RBFOX1: variants seen among roughly 807,000 people sequenced by gnomAD.
The protein encoded by RBFOX1 is RNA binding fox-1 homolog 1.
Under a neutral mutation model 57.7 loss-of-function variants are expected in RBFOX1, and 8 were observed. That is an observed-to-expected ratio of 0.14 (90% CI 0.08 to 0.25). RBFOX1 has a LOEUF of 0.25. RBFOX1 is among the 10% of genes least tolerant of loss of function. The pLI is 1.00. For synonymous variants in RBFOX1, 326 were observed against 222.4 expected (o/e 1.47, Z -4.15); for missense variants, 611 against 548.5 (o/e 1.11, Z -1.14).
chr16:6,278,560 TA>T (rs1385951009), intron 1 of RBFOX1, among the ~76,000 whole-genome samples: 1 of 152,104 alleles, frequency 6.6e-6, no homozygotes, highest in Non-Finnish European at 1.5e-5. Context: ...ATTTTCCCCT[TA>T]TCTCTGAATT....
At chr16:6,577,792 C>T (rs1002265681) in intron 2 of RBFOX1, among the ~76,000 whole-genome samples, 1 of 152,196 alleles carries the variant, frequency 6.6e-6, no homozygotes, top group Non-Finnish European at 1.5e-5. Flanking sequence ...GCCTCCTTTT[C>T]CCTCCTGTAT....
intron 1 of RBFOX1, among the ~76,000 whole-genome samples, chr16:5,435,286 C>T (rs2067881983): frequency 6.6e-6 from 1 of 152,164 alleles, no homozygotes; most frequent in Non-Finnish European, 1.5e-5. Context: ...TGGGTTTCCT[C>T]TGCTGCATGT....
At chr16:7,179,316 A>G (rs1438074177) in intron 4 of RBFOX1, among the ~76,000 whole-genome samples, 1 of 151,976 alleles carries the variant, frequency 6.6e-6, no homozygotes, top group African/African-American at 2.4e-5. Context: ...GTGTTCAAAC[A>G]TTCTCAAAGC....
At chr16:5,499,713 C>T (rs908206902) in intron 2 of RBFOX1, among the ~76,000 whole-genome samples, 3 of 151,964 alleles carry the variant, frequency 2.0e-5, no homozygotes, top group East Asian at 3.9e-4. Context: ...GCTGGGATTA[C>T]AGGTGCCCAC....
In RBFOX1 at chr16:7,317,964, G is replaced by C. The variant is rs554289678; in HGVS notation, c.28-200183G>C. 1.3e-5 allele frequency among the ~76,000 whole-genome samples: 2 copies of C among 152,252 alleles called. 1 individual carries two copies. The highest frequency in any genetic ancestry group is 4.8e-5 in the African/African-American group (2 of 41,560). On this transcript the variant is annotated intron_variant, in intron 4 of 15. Transcript: ENST00000550418. Reference sequence around the variant, plus strand: ...TTCTACTTTTGATGCTGGAGGTGATGGTGGTGATGGTGGTGGTGATAGTGG... The same window carrying C: ...TTCTACTTTTGATGCTGGAGGTGATCGTGGTGATGGTGGTGGTGATAGTGG...
intron 2 of RBFOX1, among the ~76,000 whole-genome samples, chr16:6,425,976 A>G (rs935985341): frequency 1.3e-5 from 2 of 151,956 alleles, no homozygotes; most frequent in Admixed American, 6.6e-5. Context: ...GCCCCTGGCT[A>G]CCACTAGGTA....
intron 10 of RBFOX1, 22 bp from the exon 11 acceptor site, chr16:7,630,581 C>T: frequency 6.2e-7 from 1 of 1,613,576 alleles, no homozygotes; most frequent in South Asian, 1.1e-5. Flanking sequence ...AACCAGATAC[C>T]ATCTCTCTCT....
At chr16:7,423,752 G>C (rs1276800660) in intron 4 of RBFOX1, among the ~76,000 whole-genome samples, 1 of 152,132 alleles carries the variant, frequency 6.6e-6, no homozygotes. Flanking sequence ...GCACACCTCT[G>C]TTCTGTGTCT....
intron 4 of RBFOX1, among the ~76,000 whole-genome samples, chr16:7,400,286 G>A (rs1190788041): frequency 6.6e-6 from 1 of 152,074 alleles, no homozygotes; most frequent in Non-Finnish European, 1.5e-5. Context: ...AGAGGGGAGG[G>A]GCAAGGATAG....
intron 1 of RBFOX1, among the ~76,000 whole-genome samples, chr16:5,331,712 G>T (rs1480140645): frequency 6.6e-6 from 1 of 152,288 alleles, no homozygotes; most frequent in Non-Finnish European, 1.5e-5. Flanking sequence ...GCTGCAGAAT[G>T]CAGTAAGAGG....
At chr16:7,325,215 A>G (rs2096595991) in intron 4 of RBFOX1, among the ~76,000 whole-genome samples, 1 of 152,212 alleles carries the variant, frequency 6.6e-6, no homozygotes, top group Admixed American at 6.5e-5. Context: ...ACACTGCAGT[A>G]TACTGTACTT....
chr16:7,128,165 C>G (rs1238769829), intron 4 of RBFOX1, among the ~76,000 whole-genome samples: 2 of 152,120 alleles, frequency 1.3e-5, no homozygotes, highest in Non-Finnish European at 2.9e-5. Flanking sequence ...ACCATTCTGA[C>G]AAGAACAATA....
At chr16:6,847,904 C>G (rs937752307) in intron 3 of RBFOX1, among the ~76,000 whole-genome samples, 5 of 152,046 alleles carry the variant, frequency 3.3e-5, no homozygotes, top group Non-Finnish European at 4.4e-5. Context: ...CTGGCACAAT[C>G]TTGGCTCACT....
chr16:6,683,138 C>T (rs1638393027), intron 3 of RBFOX1, among the ~76,000 whole-genome samples: 1 of 152,080 alleles, frequency 6.6e-6, no homozygotes, highest in South Asian at 2.1e-4. Flanking sequence ...AGCTAACTAG[C>T]AGATGCGTAT....
chr16:6,250,944 T>G (rs938128218), intron 1 of RBFOX1, among the ~76,000 whole-genome samples: 23 of 151,910 alleles, frequency 1.5e-4, no homozygotes, highest in African/African-American at 5.6e-4. Flanking sequence ...AGATACCTGA[T>G]TTTGTTTTTT....
At position 7,184,298 on chromosome 16, in the gene RBFOX1, TA is replaced by T. The variant is rs2083292932; in HGVS notation, c.27+132201del. Among the ~76,000 whole-genome samples, 3 of 152,270 alleles carry T rather than the reference TA, an allele frequency of 2.0e-5. No homozygotes were observed. The South Asian group carries it at 6.2e-4, about 32-fold the overall frequency. On this transcript the variant is annotated intron_variant, in intron 4 of 15. Coordinates refer to ENST00000550418, the MANE Select transcript of RBFOX1 (RefSeq NM_018723.4). The stretch of plus-strand genomic sequence containing the variant: ...ACAATAGGAAGCTGTGGAATGACCT[TA>T]GAGGGAAGACATCATCCAAATGACA...
At chr16:5,424,238 G>T (rs1398785950) in intron 1 of RBFOX1, among the ~76,000 whole-genome samples, 1 of 152,170 alleles carries the variant, frequency 6.6e-6, no homozygotes, top group Non-Finnish European at 1.5e-5. Flanking sequence ...CTGCTGAATT[G>T]CATTGAGAGA....
At chr16:7,461,028 G>A (rs1389224937) in intron 4 of RBFOX1, among the ~76,000 whole-genome samples, 1 of 152,166 alleles carries the variant, frequency 6.6e-6, no homozygotes, top group Non-Finnish European at 1.5e-5. Context: ...TGTAGTGAGT[G>A]AGGTCTTTAG....
intron 2 of RBFOX1, among the ~76,000 whole-genome samples, chr16:5,536,648 C>G (rs952396511): frequency 6.6e-6 from 1 of 151,968 alleles, no homozygotes; most frequent in African/African-American, 2.4e-5. Context: ...GGGAGACAAG[C>G]GTCAAATTCG....
Sources: gnomAD v4.1 joint callset for allele counts (sites outside exome capture counted in the v4.1 genomes callset) on GRCh38, gnomAD v4.1.1 for gene constraint, MANE v1.5 for transcripts, NCBI Gene and HGNC (gene_info 2026-07-23, HGNC 2026-07-21) for gene names.